RASSF9: variants seen among roughly 807,000 people sequenced by gnomAD.
The protein encoded by RASSF9 is ras association domain-containing protein 9.
RASSF9 carries 18 observed loss-of-function variants against 21.4 expected under a neutral mutation model. The observed-to-expected ratio is 0.84, with a 90% CI of 0.58 to 1.25. The LOEUF is 1.25. RASSF9 is among the 50% of genes most tolerant of loss of function. The probability of loss-of-function intolerance (pLI) is 0.00; values close to 1 mark genes in which losing one functional copy is unlikely to be tolerated. For synonymous variants in RASSF9, 183 were observed against 179.1 expected (o/e 1.02, Z -0.18); for missense variants, 480 against 503.2 (o/e 0.95, Z 0.44).
At chr12:85,813,713 A>G (rs1880001963) in intron 1 of RASSF9, among the ~76,000 whole-genome samples, 1 of 151,910 alleles carries the variant, frequency 6.6e-6, no homozygotes, top group Non-Finnish European at 1.5e-5. Flanking sequence ...TTTTATATAT[A>G]AAACTTAGCA....
chr12:85,835,785 A>G (rs4436622), intron 1 of RASSF9, among the ~76,000 whole-genome samples: 32,032 of 152,090 alleles, frequency 0.21, 3,595 homozygotes, highest in Non-Finnish European at 0.25. Flanking sequence ...GTTCTGTTGA[A>G]ACAAAATGAC....
In RASSF9 at chr12:85,804,726, T is replaced by C. The variant is rs1879777357; in HGVS notation, c.1284A>G (p.Gly428=). 1 of 1,606,734 alleles carries C rather than the reference T, an allele frequency of 6.2e-7. No individual in the cohort carries two copies. The highest frequency in any genetic ancestry group is 1.3e-5 in the African/African-American group (1 of 74,826). The change falls in exon 2 of 2, where the codon GGA becomes GGG. Residue 428 remains glycine, a synonymous_variant. Transcript: ENST00000361228. ...ACTATGTTGACAACAGCACCACATCTCCTACTGTTGTTTCGGAGTCCTGAC... is the reference window on the plus strand; with the variant it reads ...ACTATGTTGACAACAGCACCACATCCCCTACTGTTGTTTCGGAGTCCTGAC... ...NHSQDSETTV[G]DVVLLST
chr12:85,812,601 T>C (rs908398548), intron 1 of RASSF9, among the ~76,000 whole-genome samples: 2 of 151,354 alleles, frequency 1.3e-5, no homozygotes, highest in Non-Finnish European at 3.0e-5. Context: ...TTTTTTCTAA[T>C]TCTATATATT....
At chr12:85,827,613 T>C (rs1880360441) in intron 1 of RASSF9, among the ~76,000 whole-genome samples, 1 of 152,192 alleles carries the variant, frequency 6.6e-6, no homozygotes, top group African/African-American at 2.4e-5. Flanking sequence ...CTCAACTACA[T>C]TCCCTACTCG....
Position 85,805,723 on chromosome 12 carries a change from A to T in RASSF9, c.287T>A (p.Ile96Asn). 2 of 1,613,920 alleles carry T rather than the reference A, an allele frequency of 1.2e-6. No individual in the cohort carries two copies. The highest frequency in any genetic ancestry group is 2.2e-5 in the South Asian group (2 of 91,082). Reference protein sequence around the residue: ...SERVLPPLTRILKLWKAWGDE... With the variant: ...SERVLPPLTRNLKLWKAWGDE... Reference sequence around the variant, plus strand: ...TCCCCACGCTTTCCAAAGCTTCAGGATTCTAGTTAGTGGAGGAAGAACCCT... The same window carrying T: ...TCCCCACGCTTTCCAAAGCTTCAGGTTTCTAGTTAGTGGAGGAAGAACCCT... The change falls in exon 2 of 2, where the codon ATC becomes AAC. Residue 96 changes from isoleucine to asparagine, a missense_variant. Transcript: ENST00000361228.
Position 85,805,781 on chromosome 12 carries a change from A to AG in RASSF9, c.228_229insC (p.Tyr77LeufsTer19), listed in dbSNP as rs779795190. On this transcript the variant is annotated frameshift_variant, in exon 2 of 2. Coordinates refer to ENST00000361228, the MANE Select transcript of RASSF9 (RefSeq NM_005447.4). LOFTEE classifies it high-confidence loss of function. ...CCTCTCCACTTCTCTATGATGCAGT[A>AG]ATCACTGGGCTTCCCCAGAAGAAAT... 8.1e-6 allele frequency: 13 copies of AG among 1,613,748 alleles called. No individual in the cohort carries two copies. Among genetic ancestry groups the AG allele is most frequent in the Non-Finnish European group, 1.1e-5 (13 of 1,179,894 alleles).
At chr12:85,808,984 T>C (rs548563328) in intron 1 of RASSF9, among the ~76,000 whole-genome samples, 5 of 152,220 alleles carry the variant, frequency 3.3e-5, no homozygotes, top group South Asian at 4.1e-4. Context: ...TAACTATCAA[T>C]CATAAAGTAT....
rs1177982106 is a variant in RASSF9 at position 85,836,159 on chromosome 12, T to G, written c.43A>C (p.Asn15His). 3.2e-6 allele frequency: 5 copies of G among 1,551,100 alleles called. 1 individual carries two copies. The Middle Eastern group carries it at 6.7e-4, about 208-fold the overall frequency. The part of the protein sequence containing the change: ...GRNLLKTRHK[N>H]RSPTKDMDSE... ...TACTCACACGCTTGACTTTACCTGT[T>G]TTTATGCCGAGTCTTTAGCAAGTTT... The change falls in exon 1 of 2, where the codon AAC (asparagine) becomes CAC (histidine). Residue 15 changes from asparagine to histidine, a missense_variant. Physicochemically the swap from Asn to His is moderately conservative, Grantham distance 68 (BLOSUM62 1). Transcript: ENST00000361228.
In RASSF9 at chr12:85,804,279, T is replaced by G. The variant is rs1213719824; in HGVS notation, c.*423A>C. 1 of 157,660 alleles carries G rather than the reference T, an allele frequency of 6.3e-6. No homozygotes were observed. Among genetic ancestry groups the G allele is most frequent in the Admixed American group, 6.2e-5 (1 of 16,062 alleles). 9.8% of individuals were successfully genotyped at this position (157,660 alleles called of 1,614,324 possible). ...CAGTAGCTCCCATATACTTTACAGA[T>G]TTAAAAATTCCAATTATACAGTGTT... On this transcript the variant is annotated 3_prime_UTR_variant, in exon 2 of 2. Coordinates refer to ENST00000361228, the MANE Select transcript of RASSF9 (RefSeq NM_005447.4).
chr12:85,814,084 C>G (rs1880011054), intron 1 of RASSF9, among the ~76,000 whole-genome samples: 1 of 151,930 alleles, frequency 6.6e-6, no homozygotes, highest in African/African-American at 2.4e-5. Context: ...GGCACCTATG[C>G]CTAGAGATTG....
At chr12:85,836,100 AAGACACACACACACACAG>A (rs1880556272) in intron 1 of RASSF9, 37 bp downstream of exon 1, 3 of 1,548,402 alleles carry the variant, frequency 1.9e-6, no homozygotes, top group South Asian at 2.4e-5. Flanking sequence ...GTACACACAC[AAGACACACACACACACAG>A]AGACACACAC....
intron 1 of RASSF9, among the ~76,000 whole-genome samples, chr12:85,831,256 A>G (rs950830154): frequency 7.2e-5 from 11 of 152,098 alleles, no homozygotes; most frequent in Non-Finnish European, 1.0e-4. Flanking sequence ...ATAACATAAC[A>G]TCAAAACTTC....
At chr12:85,821,523 T>A (rs987343323) in intron 1 of RASSF9, among the ~76,000 whole-genome samples, 11 of 152,100 alleles carry the variant, frequency 7.2e-5, no homozygotes, top group Non-Finnish European at 1.3e-4. Context: ...TAACATTTTT[T>A]AAAAATAGTT....
intron 1 of RASSF9, among the ~76,000 whole-genome samples, chr12:85,809,866 T>C (rs919383484): frequency 6.6e-6 from 1 of 151,978 alleles, no homozygotes. Flanking sequence ...ATCATGCACA[T>C]TGGTTCTGTT....
At chr12:85,806,626 T>C (rs549785233) in intron 1 of RASSF9, among the ~76,000 whole-genome samples, 1 of 136,396 alleles carries the variant, frequency 7.3e-6, no homozygotes, top group African/African-American at 2.8e-5. Flanking sequence ...GGAGTGGAGA[T>C]TGTGCCACTG....
At chr12:85,819,271 T>C (rs894156805) in intron 1 of RASSF9, among the ~76,000 whole-genome samples, 1 of 152,040 alleles carries the variant, frequency 6.6e-6, no homozygotes, top group African/African-American at 2.4e-5. Flanking sequence ...GGTCCCATAC[T>C]TAAGTGATCC....
intron 1 of RASSF9, among the ~76,000 whole-genome samples, chr12:85,808,925 A>G (rs1176599445): frequency 6.6e-6 from 1 of 152,172 alleles, no homozygotes; most frequent in Admixed American, 6.5e-5. Flanking sequence ...GGTATTTAAG[A>G]TTAAATTCTA....
At chr12:85,824,989 A>G (rs2136561048) in intron 1 of RASSF9, among the ~76,000 whole-genome samples, 1 of 152,180 alleles carries the variant, frequency 6.6e-6, no homozygotes, top group South Asian at 2.1e-4. Context: ...CCGAAATGGA[A>G]ATGTGTGCTC....
At chr12:85,831,819 C>G (rs553416257) in intron 1 of RASSF9, among the ~76,000 whole-genome samples, 2 of 152,026 alleles carry the variant, frequency 1.3e-5, no homozygotes, top group Non-Finnish European at 2.9e-5. Flanking sequence ...AAATTTAATT[C>G]TTTCTTCCGA....
Sources: gnomAD v4.1 joint callset for allele counts (sites outside exome capture counted in the v4.1 genomes callset) on GRCh38, gnomAD v4.1.1 for gene constraint, MANE v1.5 for transcripts, NCBI Gene and HGNC (gene_info 2026-07-23, HGNC 2026-07-21) for gene names.